Variants in CCDC3 observed in about 807,000 individuals in gnomAD.
The protein encoded by CCDC3 is coiled-coil domain containing 3, also known as coiled-coil domain-containing protein 3.
CCDC3 carries 24 observed loss-of-function variants against 21.4 expected under a neutral mutation model. The ratio of observed to expected loss-of-function variants is 1.12; its 90% CI spans 0.81 to 1.58. The LOEUF (loss-of-function observed/expected upper bound fraction) is 1.58, where lower values mean the gene tolerates loss of function less well. CCDC3 is among the 40% of genes most tolerant of loss of function. The pLI, the probability that CCDC3 is intolerant of heterozygous loss-of-function variation, is 0.00. For missense variants in CCDC3, 425 were observed against 360.9 expected, an observed-to-expected ratio of 1.18 and a Z score of -1.44; for synonymous variants, 186 against 166.0, an observed-to-expected ratio of 1.12 and a Z score of -0.93.
chr10:13,027,137 G>C (rs996599726), intron 5 of CCDC3, among the ~76,000 whole-genome samples: 56 of 152,246 alleles, frequency 3.7e-4, no homozygotes, highest in African/African-American at 1.3e-3. Flanking sequence ...GAAGAATAGG[G>C]AGTTGGTCTA....
rs1357607479 is a variant in CCDC3 at position 13,076,491 on chromosome 10, T to C, written c.-502-2391A>G. Among the ~76,000 whole-genome samples the C allele has an allele frequency of 1.1e-4, 16 of 152,316 alleles. No individual in the cohort carries two copies. In the East Asian group the frequency reaches 3.1e-3, roughly 29 times the overall value. ...AAAGCAAAAAGTTTCTTCCTCAAAGTTTCCCTTGTTAAAGAATAAATCATA... is the reference window on the plus strand; with the variant it reads ...AAAGCAAAAAGTTTCTTCCTCAAAGCTTCCCTTGTTAAAGAATAAATCATA... On this transcript the variant is annotated intron_variant, in intron 3 of 6. Transcript: ENST00000378839.
upstream of CCDC3, among the ~76,000 whole-genome samples, chr10:13,004,826 C>T (rs1564317239): frequency 6.6e-6 from 1 of 151,976 alleles, no homozygotes. Flanking sequence ...AGTAGAGTGG[C>T]CAAGAAAAGA....
chr10:13,090,040 T>TAG (rs1319265877), intron 3 of CCDC3, among the ~76,000 whole-genome samples: 59 of 1,878 alleles, frequency 0.031, no homozygotes, highest in Non-Finnish European at 0.15. Flanking sequence ...GTTAGATATA[T>TAG]ATATATATAT....
intron 5 of CCDC3, among the ~76,000 whole-genome samples, chr10:13,049,323 T>C (rs958281440): frequency 1.1e-4 from 17 of 152,212 alleles, no homozygotes; most frequent in Non-Finnish European, 1.9e-4. Context: ...TTTCTTGAAA[T>C]ACAAGAATCA....
At position 13,055,038 on chromosome 10, in the gene CCDC3, G is replaced by C. The variant is rs115540193; in HGVS notation, c.-269-5097C>G. Among the ~76,000 whole-genome samples the C allele has an allele frequency of 6.0e-3, 909 of 152,276 alleles. 6 individuals carry two copies. Among genetic ancestry groups the C allele is most frequent in the African/African-American group, 0.021 (857 of 41,560 alleles). ...TCAACAGCTCTGCCCCATGTGGTGTGGATTGTGGTTATGCAGGCAGCTGCA... is the reference window on the plus strand; with the variant it reads ...TCAACAGCTCTGCCCCATGTGGTGTCGATTGTGGTTATGCAGGCAGCTGCA... On this transcript the variant is annotated intron_variant, in intron 4 of 6. Transcript: ENST00000378839.
chr10:12,995,108 G>A (rs895107665), intron 2 of CCDC3, among the ~76,000 whole-genome samples: 1 of 150,638 alleles, frequency 6.6e-6, no homozygotes, highest in African/African-American at 2.4e-5. Context: ...AAAGAAGCAA[G>A]TAGTAGTCAA....
chr10:12,975,489 T>C (rs1835402814), intron 2 of CCDC3, among the ~76,000 whole-genome samples: 3 of 152,152 alleles, frequency 2.0e-5, no homozygotes, highest in South Asian at 2.1e-4. Context: ...AACTCACCCC[T>C]GGCTGTTTGT....
At chr10:13,041,971 A>T (rs1194660371) in intron 5 of CCDC3, among the ~76,000 whole-genome samples, 1 of 152,190 alleles carries the variant, frequency 6.6e-6, no homozygotes, top group Non-Finnish European at 1.5e-5. Flanking sequence ...GACCAGGGAC[A>T]CCCACTCACC....
At chr10:12,952,691 G>A (rs1342910786) in intron 2 of CCDC3, among the ~76,000 whole-genome samples, 1 of 152,146 alleles carries the variant, frequency 6.6e-6, no homozygotes, top group African/African-American at 2.4e-5. Flanking sequence ...TGCAAATTCA[G>A]TGTTCTCTGC....
At chr10:12,965,360 A>G (rs1199630093) in intron 2 of CCDC3, among the ~76,000 whole-genome samples, 2 of 152,194 alleles carry the variant, frequency 1.3e-5, no homozygotes, top group Admixed American at 1.3e-4. Flanking sequence ...CTTGGAAATT[A>G]GAGGGAAAAT....
intron 3 of CCDC3, among the ~76,000 whole-genome samples, chr10:13,093,203 G>C (rs1316731184): frequency 1.3e-5 from 2 of 152,102 alleles, no homozygotes; most frequent in African/African-American, 4.8e-5. Context: ...GTTCCACGTG[G>C]CTGGGGAGGC....
At chr10:12,918,250 T>C (rs761269783) in intron 2 of CCDC3, among the ~76,000 whole-genome samples, 1 of 152,244 alleles carries the variant, frequency 6.6e-6, no homozygotes, top group Non-Finnish European at 1.5e-5. Flanking sequence ...AGTTTTATAA[T>C]ATATGATGTG....
At chr10:12,932,755 A>G (rs139514534) in intron 2 of CCDC3, among the ~76,000 whole-genome samples, 301 of 152,296 alleles carry the variant, frequency 2.0e-3, no homozygotes, top group African/African-American at 7.0e-3. Flanking sequence ...TTAGCGGGAA[A>G]GCTTTGGGCT....
chr10:12,942,952 C>T (rs1309542705), intron 2 of CCDC3, among the ~76,000 whole-genome samples: 1 of 152,158 alleles, frequency 6.6e-6, no homozygotes, highest in Non-Finnish European at 1.5e-5. Flanking sequence ...TGAATGACGC[C>T]ATTTCAGTAC....
At chr10:12,960,168 A>AACACAC (rs10626900) in intron 2 of CCDC3, among the ~76,000 whole-genome samples, 7,983 of 148,210 alleles carry the variant, frequency 0.054, 365 homozygotes, top group African/African-American at 0.12. Context: ...ACACACACAC[A>AACACAC]ACACACACAC....
At chr10:13,000,430 G>A (rs1054410653) in intron 1 of CCDC3, among the ~76,000 whole-genome samples, 24 of 152,234 alleles carry the variant, frequency 1.6e-4, no homozygotes, top group Admixed American at 5.2e-4. Context: ...TGGAACTTCA[G>A]AAGATTCCAG....
intron 5 of CCDC3, among the ~76,000 whole-genome samples, chr10:13,019,335 A>T (rs1836114749): frequency 6.6e-6 from 1 of 152,188 alleles, no homozygotes; most frequent in Non-Finnish European, 1.5e-5. Flanking sequence ...AAGGGTTAAG[A>T]TTGCTCTGAA....
At chr10:13,019,892 A>C (rs988843822) in intron 5 of CCDC3, among the ~76,000 whole-genome samples, 3 of 152,196 alleles carry the variant, frequency 2.0e-5, no homozygotes, top group Non-Finnish European at 2.9e-5. Flanking sequence ...GCTACTCAGG[A>C]GGCTGAGGCA....
At chr10:12,941,209 A>G (rs922517652) in intron 2 of CCDC3, among the ~76,000 whole-genome samples, 1 of 152,252 alleles carries the variant, frequency 6.6e-6, no homozygotes, top group Non-Finnish European at 1.5e-5. Context: ...CACTCCCACC[A>G]GTGCCATGAC....
Sources: allele counts gnomAD v4.1 joint callset (sites outside exome capture counted in the v4.1 genomes callset), GRCh38; gene constraint gnomAD v4.1.1; transcripts MANE v1.5; gene names NCBI Gene and HGNC (gene_info 2026-07-23, HGNC 2026-07-21).